RTN1: variants seen among roughly 807,000 people sequenced by gnomAD.
RTN1 encodes reticulon 1.
In RTN1, 25 loss-of-function variants were observed where a neutral mutation model predicts 65.5. That is an observed-to-expected ratio of 0.38 (90% CI 0.28 to 0.53). The LOEUF (loss-of-function observed/expected upper bound fraction) is 0.53. RTN1 is among the 20% of genes least tolerant of loss of function. The pLI is 0.79. For synonymous variants in RTN1, 471 were observed against 447.6 expected, an observed-to-expected ratio of 1.05 and a Z score of -0.66; for missense variants, 983 against 1,025.4, an observed-to-expected ratio of 0.96 and a Z score of 0.57.
rs1375191842 is a variant in RTN1, at chr14:59,610,140, C to A, written c.1766-2648G>T. 6.4e-6 allele frequency: 5 copies of A among 776,124 alleles called. No individual in the cohort carries two copies. In the Middle Eastern group the frequency reaches 6.8e-4, roughly 105 times the overall value. 48.1% of individuals were successfully genotyped at this position (776,124 alleles called of 1,614,324 possible). A position where few individuals can be genotyped will look rare whatever the true frequency, so the allele number is the denominator to read the frequency against. ...TTTATACCTGGTAGAAATGGCATGC[C>A]CTCTAGGGAAGCCTCCTAAATCTCC... On this transcript the variant is annotated intron_variant, in intron 3 of 8. Transcript: ENST00000267484.
At chr14:59,602,258 TTAGA>T (rs1452386155) in intron 8 of RTN1, among the ~76,000 whole-genome samples, 1 of 152,178 alleles carries the variant, frequency 6.6e-6, no homozygotes, top group Non-Finnish European at 1.5e-5. Flanking sequence ...TATCAGATAA[TTAGA>T]TAGAGTTTTT....
At position 59,727,509 on chromosome 14, in the gene RTN1, G is replaced by C; in HGVS notation, c.1175C>G (p.Pro392Arg). 6.3e-7 allele frequency: 1 copy of C among 1,599,548 alleles called. No individual in the cohort carries two copies. Among genetic ancestry groups the C allele is most frequent in the East Asian group, 2.3e-5 (1 of 44,304 alleles). Residue 392 changes from proline (P) to arginine (R), a missense_variant, in exon 3 of 9, where the codon CCG becomes CGG. Transcript: ENST00000267484. This position sits in a 1 kb window ranked among gnomAD's most constrained non-coding sequence, Gnocchi z 4.2. ...DRPEVKARSG[P>R]PTIPSPLDHE... ...GTCCAGGGGGCTGGGGATGGTTGGC[G>C]GTCCGGACCTGGCCTTGACCTCGGG... is the stretch of plus-strand genomic sequence containing the variant.
intron 1 of RTN1, among the ~76,000 whole-genome samples, chr14:59,771,112 C>A (rs971704849): frequency 1.3e-5 from 2 of 152,038 alleles, no homozygotes; most frequent in African/African-American, 2.4e-5. Flanking sequence ...CCCTCATCAA[C>A]ATGATCTGTA....
At chr14:59,628,879 A>T (rs1449441870) in intron 3 of RTN1, among the ~76,000 whole-genome samples, 1 of 152,192 alleles carries the variant, frequency 6.6e-6, no homozygotes, top group East Asian at 1.9e-4. Flanking sequence ...AGAAAAGAAA[A>T]CCTGCCATCT....
At chr14:59,761,676 T>C (rs2139546068) in intron 1 of RTN1, among the ~76,000 whole-genome samples, 2 of 152,312 alleles carry the variant, frequency 1.3e-5, no homozygotes, top group Middle Eastern at 6.8e-3. Flanking sequence ...AGAGTTGGAA[T>C]TTCTCAACAG....
chr14:59,618,535 G>A (rs1882169722), intron 3 of RTN1, among the ~76,000 whole-genome samples: 2 of 152,234 alleles, frequency 1.3e-5, no homozygotes, highest in South Asian at 2.1e-4. Context: ...AATGCTCAGT[G>A]AGACTCATTT....
intron 1 of RTN1, among the ~76,000 whole-genome samples, chr14:59,752,088 C>G (rs1279572865): frequency 6.6e-6 from 1 of 152,184 alleles, no homozygotes; most frequent in Non-Finnish European, 1.5e-5. Context: ...CCTCCACATC[C>G]ACACCTCTGC....
chr14:59,757,712 C>G (rs1475045012), intron 1 of RTN1, among the ~76,000 whole-genome samples: 2 of 152,044 alleles, frequency 1.3e-5, no homozygotes, highest in Non-Finnish European at 2.9e-5. Context: ...AAAATGGGCC[C>G]TCACCTGACA....
chr14:59,732,005 G>A (rs933149601), intron 2 of RTN1, among the ~76,000 whole-genome samples: 2 of 152,200 alleles, frequency 1.3e-5, no homozygotes, highest in African/African-American at 2.4e-5. Flanking sequence ...TGGGCTAGGT[G>A]CAATTGTGTT....
intron 3 of RTN1, among the ~76,000 whole-genome samples, chr14:59,723,447 A>AT (rs1480962975): frequency 3.3e-5 from 5 of 151,472 alleles, no homozygotes; most frequent in Non-Finnish European, 7.4e-5. Context: ...TCCACTAAAA[A>AT]AAAAAAAATA....
At chr14:59,815,817 C>T (rs1174033131) in intron 1 of RTN1, among the ~76,000 whole-genome samples, 4 of 152,176 alleles carry the variant, frequency 2.6e-5, no homozygotes, top group Admixed American at 2.6e-4. Context: ...ATTTCTCCTT[C>T]CCATATTACT....
At position 59,773,778 on chromosome 14, in the gene RTN1, C is replaced by G. The variant is rs117745702; in HGVS notation, c.242-27297G>C. On this transcript the variant is annotated intron_variant, in intron 1 of 8. Coordinates refer to ENST00000267484, the MANE Select transcript of RTN1 (RefSeq NM_021136.3). The stretch of plus-strand genomic sequence containing the variant: ...TTTTGGCTTTTTTAAAGCTTACTGT[C>G]TTTCTTCTACCCTGGTTTCTATCAT... 4.4e-3 allele frequency among the ~76,000 whole-genome samples: 663 copies of G among 152,204 alleles called. 2 individuals carry two copies. Among genetic ancestry groups the G allele is most frequent in the South Asian group, 0.017 (80 of 4,832 alleles).
At chr14:59,857,238 C>T (rs1200813984) in intron 1 of RTN1, among the ~76,000 whole-genome samples, 2 of 152,164 alleles carry the variant, frequency 1.3e-5, no homozygotes, top group South Asian at 2.1e-4. Context: ...TTGCTCTGTC[C>T]CTGGTCCTCT....
chr14:59,599,703 A>G (rs577793394), intron 8 of RTN1, among the ~76,000 whole-genome samples: 1 of 152,306 alleles, frequency 6.6e-6, no homozygotes, highest in South Asian at 2.1e-4. Flanking sequence ...GTGAAGATAC[A>G]CTGATCTATT....
At chr14:59,669,432 A>T (rs1883452848) in intron 3 of RTN1, among the ~76,000 whole-genome samples, 1 of 151,676 alleles carries the variant, frequency 6.6e-6, no homozygotes, top group Admixed American at 6.6e-5. Context: ...AGGGCAGGGA[A>T]CATCATACAC....
chr14:59,598,047 T>C (rs1431490176), intron 8 of RTN1, among the ~76,000 whole-genome samples: 2 of 151,944 alleles, frequency 1.3e-5, no homozygotes, highest in African/African-American at 2.4e-5. Context: ...CTGATTAATG[T>C]TGTAAGAAGA....
At chr14:59,852,437 T>A (rs1042197563) in intron 1 of RTN1, among the ~76,000 whole-genome samples, 7 of 152,224 alleles carry the variant, frequency 4.6e-5, no homozygotes, top group Non-Finnish European at 1.5e-5. Flanking sequence ...AGAATTAACA[T>A]CATCTCCTAG....
chr14:59,789,460 T>C (rs1432196842), intron 1 of RTN1, among the ~76,000 whole-genome samples: 1 of 152,176 alleles, frequency 6.6e-6, no homozygotes, highest in Non-Finnish European at 1.5e-5. Context: ...GGTGTTTTTA[T>C]CCTTTAAAAT....
chr14:59,779,296 C>A (rs139894937), intron 1 of RTN1, among the ~76,000 whole-genome samples: 3 of 151,932 alleles, frequency 2.0e-5, no homozygotes, highest in Admixed American at 1.3e-4. Flanking sequence ...TTCTGTCATA[C>A]GAAGGGGAGA....
Sources: gnomAD v4.1 joint callset for allele counts (sites outside exome capture counted in the v4.1 genomes callset) on GRCh38, gnomAD v4.1.1 for gene constraint, Gnocchi (gnomAD v3.1) non-coding constraint, MANE v1.5 for transcripts, NCBI Gene and HGNC (gene_info 2026-07-23, HGNC 2026-07-21) for gene names.